MGAM: variants seen among roughly 807,000 people sequenced by gnomAD.
The protein encoded by MGAM is maltase-glucoamylase, also known as alpha-1,4-glucosidase.
A neutral mutation model predicts 358.8 loss-of-function variants in MGAM; 253 were observed. That is an observed-to-expected ratio of 0.71 (90% CI 0.64 to 0.78). The LOEUF (loss-of-function observed/expected upper bound fraction) is 0.78. MGAM is among the 30% of genes least tolerant of loss of function. The probability of loss-of-function intolerance (pLI) is 0.00; values close to 1 mark genes in which losing one functional copy is unlikely to be tolerated. For synonymous variants in MGAM, 1,105 were observed against 1,227.1 expected, an observed-to-expected ratio of 0.90 and a Z score of 2.08; for missense variants, 3,080 against 3,432.6, an observed-to-expected ratio of 0.90 and a Z score of 2.57.
chr7:142,025,635 A>T (rs1554460673), intron 8 of MGAM, among the ~76,000 whole-genome samples: 2 of 152,182 alleles, frequency 1.3e-5, no homozygotes, highest in Admixed American at 1.3e-4. Flanking sequence ...TGGTCCCTGA[A>T]TGGGTCACAG....
intron 4 of MGAM, among the ~76,000 whole-genome samples, chr7:142,020,747 C>T (rs970558561): frequency 2.0e-5 from 3 of 151,788 alleles, no homozygotes; most frequent in Non-Finnish European, 4.4e-5. Flanking sequence ...GCATGCACCA[C>T]CATACCCGGC....
chr7:142,055,220 T>A (rs1811388246), intron 27 of MGAM, among the ~76,000 whole-genome samples: 1 of 152,100 alleles, frequency 6.6e-6, no homozygotes. Flanking sequence ...AAATATCACT[T>A]TGAGTGCTAT....
In MGAM at chr7:142,040,127, G is replaced by A. The variant is rs1347890132; in HGVS notation, c.2329G>A (p.Val777Met). The A allele has an allele frequency of 1.1e-5, 17 of 1,612,422 alleles. No individual in the cohort carries two copies. The highest frequency in any genetic ancestry group is 1.4e-5 in the Non-Finnish European group (17 of 1,178,974). ...TPVLDEGAEK[V>M]MAYVPDAVWY... ...TTTTTAATTTCAGGGTGCAGAGAAA[G>A]TGATGGCATATGTGCCTGATGCTGT... Residue 777 changes from valine to methionine, a missense_variant, in exon 20 of 71, where the codon GTG becomes ATG. Physicochemically the swap from Val to Met is conservative, Grantham distance 21 (BLOSUM62 1). Transcript: ENST00000475668.
intron 7 of MGAM, 54 bp downstream of exon 7, chr7:142,022,493 G>C (rs564158654): frequency 6.4e-7 from 1 of 1,554,918 alleles, no homozygotes; most frequent in East Asian, 2.3e-5. Flanking sequence ...CATTCTTAAA[G>C]GTCACCTCTA....
intron 34 of MGAM, among the ~76,000 whole-genome samples, chr7:142,061,539 T>A (rs1258568156): frequency 6.6e-6 from 1 of 152,166 alleles, no homozygotes; most frequent in East Asian, 1.9e-4. Flanking sequence ...CTGCCCTTTT[T>A]CTAGACATCT....
intron 2 of MGAM, among the ~76,000 whole-genome samples, chr7:141,990,847 C>T (rs921028478): frequency 6.6e-6 from 1 of 152,170 alleles, no homozygotes; most frequent in Admixed American, 6.5e-5. Flanking sequence ...CTTTCCTTTT[C>T]GCCTTCCCTT....
chr7:142,046,581 C>T (rs569947939), intron 21 of MGAM, among the ~76,000 whole-genome samples: 2 of 152,196 alleles, frequency 1.3e-5, no homozygotes, highest in African/African-American at 2.4e-5. Flanking sequence ...GAATTTGCCA[C>T]ACGGAGATTC....
chr7:142,088,052 G>C (rs1814916858), intron 57 of MGAM, among the ~76,000 whole-genome samples: 1 of 146,214 alleles, frequency 6.8e-6, no homozygotes, highest in South Asian at 2.2e-4. Flanking sequence ...GGGAAAGGCA[G>C]ATATTAGACA....
chr7:142,064,404 G>T lies in MGAM; in HGVS notation c.4366G>T (p.Gly1456Cys). 1 of 1,608,570 alleles carries T rather than the reference G, an allele frequency of 6.2e-7. No homozygotes were observed. Among genetic ancestry groups the T allele is most frequent in the East Asian group, 2.2e-5 (1 of 44,698 alleles). Residue 1456 changes from glycine to cysteine, a missense_variant, in exon 37 of 71, where the codon GGC becomes TGC. By Grantham distance (159) the Gly-to-Cys change is radical. Transcript: ENST00000475668. The part of the protein sequence containing the change: ...YMPHLESRDR[G>C]LSSKTLCMES... ...CTCAGATTTGGAGTCCAGGGACAGG[G>T]GCCTGAGCAGCAAGACCCTTTGTAT...
intron 22 of MGAM, among the ~76,000 whole-genome samples, chr7:142,048,317 T>A (rs996731732): frequency 1.3e-5 from 2 of 151,506 alleles, no homozygotes; most frequent in African/African-American, 4.8e-5. Context: ...CCTGGCTAAT[T>A]TTTTGTATGT....
intron 19 of MGAM, among the ~76,000 whole-genome samples, chr7:142,039,197 C>T (rs939510622): frequency 1.9e-4 from 29 of 151,122 alleles, no homozygotes; most frequent in African/African-American, 6.8e-4. Context: ...CCTCCAACTC[C>T]TGGGTTCACA....
rs1286451594 is a variant in MGAM, at chr7:142,062,807, GAAGA to G, written c.4257+106_4257+109del. 8.4e-6 allele frequency: 13 copies of G among 1,541,192 alleles called. No homozygotes were observed. In the African/African-American group the frequency reaches 1.7e-4, roughly 20 times the overall value. ...ATCAAGAGGATAGTCATTGTCCAAA[GAAGA>G]CTTTGGACATAGCAGACACTTCTTC... On this transcript the variant is annotated intron_variant, in intron 35 of 70. Coordinates refer to ENST00000475668, the MANE Select transcript of MGAM (RefSeq NM_001365693.1).
At chr7:142,052,151 C>G in intron 24 of MGAM, 143 bp from the exon 25 acceptor site, 6 of 714,714 alleles carry the variant, frequency 8.4e-6, no homozygotes, top group Non-Finnish European at 1.4e-5. Flanking sequence ...CAGTTCTCTT[C>G]TTATAAGCTA....
In MGAM at chr7:142,005,645, C is replaced by G. The variant is rs782209727; in HGVS notation, c.115C>G (p.Leu39Val). The G allele has an allele frequency of 7.5e-6, 12 of 1,600,988 alleles. No homozygotes were observed. The highest frequency in any genetic ancestry group is 1.0e-5 in the Non-Finnish European group (12 of 1,173,310). ...AATTGTGCTTTTAGCCAAAGAGTCA[C>G]TGAAATCAACAGGTAAGAAGTAACT... ...VLIVLLAKES[L>V]KSTAPDPGTT... is the part of the protein sequence containing the mutation. The change falls in exon 2 of 71, where the codon CTG becomes GTG. Residue 39 changes from leucine to valine, a missense_variant. By Grantham distance (32) the Leu-to-Val change is conservative. Coordinates refer to ENST00000475668, the MANE Select transcript of MGAM (RefSeq NM_001365693.1).
chr7:142,032,729 G>T, intron 13 of MGAM, 96 bp from the exon 14 acceptor site: 1 of 720,910 alleles, frequency 1.4e-6, no homozygotes, highest in Non-Finnish European at 2.3e-6. Flanking sequence ...AAAATATCTG[G>T]AATAATTTAT....
chr7:142,044,594 A>G (rs111204025), intron 21 of MGAM, among the ~76,000 whole-genome samples: 2 of 130,132 alleles, frequency 1.5e-5, no homozygotes, highest in African/African-American at 5.6e-5. Flanking sequence ...TGTATATTAT[A>G]TACACGTGTA....
chr7:142,099,810 G>A (rs1816289733), intron 67 of MGAM, 73 bp downstream of exon 67: 3 of 1,570,264 alleles, frequency 1.9e-6, no homozygotes, highest in African/African-American at 1.3e-5. Context: ...CCACCAAAAT[G>A]TAAGCATCAC....
intron 16 of MGAM, 48 bp from the exon 17 acceptor site, chr7:142,036,121 G>A (rs376466623): frequency 3.0e-6 from 4 of 1,337,900 alleles, no homozygotes; most frequent in African/African-American, 1.4e-5. Flanking sequence ...GCAAAGGAGG[G>A]TGGTTAGAAG....
At position 142,086,843 on chromosome 7, in the gene MGAM, T is replaced by A. The variant is rs1475361784; in HGVS notation, c.6810+126T>A. 3.4e-5 allele frequency: 15 copies of A among 443,334 alleles called. 4 individuals are homozygous for A. The Middle Eastern group carries it at 1.7e-3, about 50-fold the overall frequency. The allele number at this position is 443,334 out of a possible 1,614,324, so 27.5% of individuals were successfully genotyped here. A position where few individuals can be genotyped will look rare whatever the true frequency, so the allele number is the denominator to read the frequency against. ...AAGGGAGAAACACTTAGGGCATGTG[T>A]GTTGGATGTCAGTCTGTGTGCCCAT... On this transcript the variant is annotated intron_variant, in intron 57 of 70. Coordinates refer to ENST00000475668, the MANE Select transcript of MGAM (RefSeq NM_001365693.1).
Sources: gnomAD v4.1 joint callset for allele counts (sites outside exome capture counted in the v4.1 genomes callset) on GRCh38, gnomAD v4.1.1 for gene constraint, MANE v1.5 for transcripts, NCBI Gene and HGNC (gene_info 2026-07-23, HGNC 2026-07-21) for gene names.